The following TMCC3 variants were observed in gnomAD, a reference collection of about 807,000 sequenced individuals.
The protein encoded by TMCC3 is transmembrane and coiled-coil domain protein 3.
TMCC3 carries 28 observed loss-of-function variants against 40.2 expected under a neutral mutation model. The ratio of observed to expected loss-of-function variants is 0.70; its 90% confidence interval spans 0.52 to 0.95. The LOEUF is 0.95. Ranked by LOEUF, TMCC3 falls within the 40% of genes least tolerant of loss-of-function variation. The pLI, the probability that TMCC3 is intolerant of heterozygous loss-of-function variation, is 0.00. For missense variants in TMCC3, 554 were observed against 615.2 expected (o/e 0.90, Z 1.05); for synonymous variants, 255 against 248.5 (o/e 1.03, Z -0.25).
At chr12:94,631,828 C>A (rs535056252) in intron 1 of TMCC3, among the ~76,000 whole-genome samples, 1 of 152,192 alleles carries the variant, frequency 6.6e-6, no homozygotes, top group East Asian at 1.9e-4. Context: ...TGGAAACTGA[C>A]GCTCCAAACT....
chr12:94,574,476 T>A (rs2068552399), intron 3 of TMCC3, among the ~76,000 whole-genome samples: 1 of 152,094 alleles, frequency 6.6e-6, no homozygotes, highest in African/African-American at 2.4e-5. Flanking sequence ...GGTAGTACAA[T>A]GTGCCCCTCT....
At chr12:94,610,979 T>C (rs2068812805) in intron 1 of TMCC3, among the ~76,000 whole-genome samples, 1 of 152,070 alleles carries the variant, frequency 6.6e-6, no homozygotes, top group Non-Finnish European at 1.5e-5. Context: ...TATTTTCATA[T>C]TAAAAAAAAA....
chr12:94,596,962 C>T (rs1177748861), intron 1 of TMCC3, among the ~76,000 whole-genome samples: 3 of 151,776 alleles, frequency 2.0e-5, no homozygotes, highest in Non-Finnish European at 2.9e-5. Context: ...CTGCTCCAAG[C>T]AGAATATAGG....
chr12:94,629,405 C>G (rs896374989), intron 1 of TMCC3, among the ~76,000 whole-genome samples: 5 of 152,198 alleles, frequency 3.3e-5, no homozygotes, highest in Non-Finnish European at 7.3e-5. Context: ...AGAACTGTCC[C>G]TGCCACTCTG....
At chr12:94,640,230 C>G in intron 1 of TMCC3, among the ~76,000 whole-genome samples, 1 of 152,200 alleles carries the variant, frequency 6.6e-6, no homozygotes, top group Non-Finnish European at 1.5e-5. Flanking sequence ...TGCACTGATG[C>G]AATCAAGGCT....
intron 1 of TMCC3, chr12:94,591,206 C>G (rs1046245181): frequency 2.8e-5 from 6 of 216,666 alleles, no homozygotes; most frequent in South Asian, 6.3e-5. Flanking sequence ...AAAGAGAAAC[C>G]TGCATACATT....
At chr12:94,605,476 C>T (rs576091009) in intron 1 of TMCC3, among the ~76,000 whole-genome samples, 3 of 152,214 alleles carry the variant, frequency 2.0e-5, no homozygotes, top group African/African-American at 7.2e-5. Context: ...AAGCGTCTAT[C>T]TGGGATGCTG....
intron 2 of TMCC3, among the ~76,000 whole-genome samples, chr12:94,580,315 C>T (rs2068592445): frequency 6.6e-6 from 1 of 152,166 alleles, no homozygotes; most frequent in Admixed American, 6.5e-5. Context: ...AAAACATCTA[C>T]TTTAAAATTA....
rs1467855760 is a variant in TMCC3 at position 94,578,165 on chromosome 12, A to AAAAAAAAAAAAAAAAAG, written c.1131+228_1131+229insCTTTTTTTTTTTTTTTT. On this transcript the variant is annotated intron_variant, in intron 3 of 3. Coordinates refer to ENST00000261226, the MANE Select transcript of TMCC3 (RefSeq NM_020698.4). ...TCACCTCAAAAAAAAAAAAAAAAAA[A>AAAAAAAAAAAAAAAAAG]AAAGAAAAAGAAAAAGAAAAAAAAA... 5.7e-4 allele frequency among the ~76,000 whole-genome samples: 70 copies of AAAAAAAAAAAAAAAAAG among 123,360 alleles called. 3 individuals are homozygous for AAAAAAAAAAAAAAAAAG. Among genetic ancestry groups the AAAAAAAAAAAAAAAAAG allele is most frequent in the African/African-American group, 1.7e-3 (49 of 29,512 alleles). 80.9% of individuals were successfully genotyped at this position (123,360 alleles called of 152,430 possible).
chr12:94,613,667 G>A (rs1166671924), intron 1 of TMCC3, among the ~76,000 whole-genome samples: 2 of 152,132 alleles, frequency 1.3e-5, no homozygotes, highest in Non-Finnish European at 2.9e-5. Flanking sequence ...GTGATGTAGG[G>A]ATGCTCAATC....
Position 94,633,320 on chromosome 12 carries a change from T to C in TMCC3, c.78+17033A>G, listed in dbSNP as rs536246983. ...GAGGAAGCAGGAAGAGAGAAAGGCA[T>C]CTAGATAGCTGTTTATGGGACCATT... On this transcript the variant is annotated intron_variant, in intron 1 of 3. Coordinates refer to ENST00000261226, the MANE Select transcript of TMCC3 (RefSeq NM_020698.4). Among the ~76,000 whole-genome samples the C allele has an allele frequency of 2.2e-4, 34 of 152,262 alleles. 1 individual carries two copies. The South Asian group carries it at 3.7e-3, about 17-fold the overall frequency.
chr12:94,624,555 A>T (rs2625938), intron 1 of TMCC3, among the ~76,000 whole-genome samples: 144,927 of 151,970 alleles, frequency 0.95, 69,170 homozygotes, highest in African/African-American at 0.97. Flanking sequence ...TCCACTAAAA[A>T]ACGAAAAAAT....
chr12:94,615,048 T>C (rs1490776353), intron 1 of TMCC3, among the ~76,000 whole-genome samples: 2 of 152,188 alleles, frequency 1.3e-5, no homozygotes, highest in Non-Finnish European at 2.9e-5. Context: ...TTCTGAAGAC[T>C]GGGGATCACT....
chr12:94,628,825 C>T (rs1014736188), intron 1 of TMCC3, among the ~76,000 whole-genome samples: 5 of 152,130 alleles, frequency 3.3e-5, no homozygotes, highest in African/African-American at 9.7e-5. Flanking sequence ...TAAAGGGTGC[C>T]GTTCTGCTCT....
chr12:94,573,338 C>T (rs938314703), intron 3 of TMCC3, among the ~76,000 whole-genome samples: 1 of 152,198 alleles, frequency 6.6e-6, no homozygotes. Flanking sequence ...CCTGCAATAA[C>T]CTTACACGAA....
In TMCC3 at chr12:94,592,811, T is replaced by C. The variant is rs545294583; in HGVS notation, c.79-10273A>G. On this transcript the variant is annotated intron_variant, in intron 1 of 3. Coordinates refer to ENST00000261226, the MANE Select transcript of TMCC3 (RefSeq NM_020698.4). ...TTCTCCAGACACTGCAAATTAATAG[T>C]GTAAAGGAGATTAGGCAGTGTTTAA... Among the ~76,000 whole-genome samples the C allele has an allele frequency of 5.3e-5, 8 of 152,042 alleles. No individual in the cohort carries two copies. The East Asian group carries it at 1.4e-3, about 26-fold the overall frequency.
chr12:94,578,027 T>C (rs2068576239), intron 3 of TMCC3, among the ~76,000 whole-genome samples: 1 of 150,650 alleles, frequency 6.6e-6, no homozygotes, highest in South Asian at 2.1e-4. Flanking sequence ...CATGTGCCTA[T>C]AGCCCCAGCT....
chr12:94,632,977 G>A (rs1274521), intron 1 of TMCC3, among the ~76,000 whole-genome samples: 69,501 of 151,948 alleles, frequency 0.46, 16,527 homozygotes, highest in Non-Finnish European at 0.53. Context: ...ATGGTGGTGC[G>A]CACCTGCAGT....
At chr12:94,649,430 G>A (rs1255308381) in intron 1 of TMCC3, among the ~76,000 whole-genome samples, 1 of 152,206 alleles carries the variant, frequency 6.6e-6, no homozygotes, top group African/African-American at 2.4e-5. Flanking sequence ...CCAGTTCTCG[G>A]ACAAGCGAGT....
Sources: allele counts gnomAD v4.1 joint callset (sites outside exome capture counted in the v4.1 genomes callset), GRCh38; gene constraint gnomAD v4.1.1; transcripts MANE v1.5; gene names NCBI Gene and HGNC (gene_info 2026-07-23, HGNC 2026-07-21).